TACR1: variants seen among roughly 807,000 people sequenced by gnomAD.
TACR1 encodes the protein substance-P receptor.
Under a neutral mutation model 35.8 loss-of-function variants are expected in TACR1, and 25 were observed. That is an observed-to-expected ratio of 0.70 (90% CI 0.51 to 0.98). The LOEUF is 0.98. Among genes scored for constraint, TACR1 ranks in the 50% least tolerant of loss-of-function variants. TACR1 has a pLI of 0.00. For synonymous variants in TACR1, 195 were observed against 206.7 expected (o/e 0.94, Z 0.48); for missense variants, 478 against 522.9 (o/e 0.91, Z 0.84).
In TACR1 at chr2:75,061,369, G is replaced by A. The variant is rs76915846; in HGVS notation, c.585-7614C>T. The stretch of plus-strand genomic sequence containing the variant: ...AAGGTGATGATGGACCAGGTGAGTC[G>A]AGTGGGAAGTGAGGAAGTGGAAGCA... On this transcript the variant is annotated intron_variant, in intron 2 of 4. Coordinates refer to ENST00000305249, the MANE Select transcript of TACR1 (RefSeq NM_001058.4). Among the ~76,000 whole-genome samples the A allele has an allele frequency of 3.9e-5, 6 of 152,188 alleles. No individual in the cohort carries two copies. The East Asian group carries it at 9.7e-4, about 25-fold the overall frequency.
chr2:75,083,837 G>A (rs2103838251), intron 2 of TACR1, among the ~76,000 whole-genome samples: 1 of 152,192 alleles, frequency 6.6e-6, no homozygotes, highest in East Asian at 1.9e-4. Flanking sequence ...CTGAGACCAT[G>A]GGGTTTTCTA....
chr2:75,176,162 T>C (rs1265341293), intron 1 of TACR1, among the ~76,000 whole-genome samples: 1 of 152,108 alleles, frequency 6.6e-6, no homozygotes, highest in East Asian at 1.9e-4. Context: ...GATGTTCAAT[T>C]TCCATATTGA....
chr2:75,077,047 C>T (rs374532256), intron 2 of TACR1, among the ~76,000 whole-genome samples: 3 of 152,064 alleles, frequency 2.0e-5, no homozygotes, highest in Non-Finnish European at 2.9e-5. Context: ...CTTGGCTCAC[C>T]GTAACTTCTG....
chr2:75,145,556 A>G (rs1477224680), intron 1 of TACR1, among the ~76,000 whole-genome samples: 1 of 152,242 alleles, frequency 6.6e-6, no homozygotes, highest in East Asian at 1.9e-4. Context: ...AAAGATCAAT[A>G]ACTTTTCTAT....
intron 2 of TACR1, among the ~76,000 whole-genome samples, chr2:75,076,618 C>G (rs1217394584): frequency 1.3e-5 from 2 of 152,132 alleles, no homozygotes; most frequent in African/African-American, 2.4e-5. Flanking sequence ...ATTTCAAACG[C>G]AGCATAAAAA....
At chr2:75,077,266 G>T (rs139416814) in intron 2 of TACR1, among the ~76,000 whole-genome samples, 1 of 152,126 alleles carries the variant, frequency 6.6e-6, no homozygotes, top group Non-Finnish European at 1.5e-5. Context: ...CACCGCACCC[G>T]GCCTATTATT....
chr2:75,127,789 G>A (rs1416431538), intron 1 of TACR1, among the ~76,000 whole-genome samples: 2 of 152,160 alleles, frequency 1.3e-5, no homozygotes, highest in Non-Finnish European at 2.9e-5. Flanking sequence ...TTCCAGCCTT[G>A]TCTAGATTCT....
chr2:75,197,929 C>G (rs566769650), intron 1 of TACR1, among the ~76,000 whole-genome samples: 1 of 152,248 alleles, frequency 6.6e-6, no homozygotes, highest in South Asian at 2.1e-4. Context: ...CATTAGAATT[C>G]TGAGTATCTT....
intron 1 of TACR1, among the ~76,000 whole-genome samples, chr2:75,123,703 C>CCTTTCCTCT (rs1674017173): frequency 6.6e-6 from 1 of 152,136 alleles, no homozygotes; most frequent in Non-Finnish European, 1.5e-5. Context: ...TTCCTTCCCT[C>CCTTTCCTCT]CTTTCCTCTC....
At chr2:75,149,137 G>C (rs1022278032) in intron 1 of TACR1, among the ~76,000 whole-genome samples, 1 of 152,198 alleles carries the variant, frequency 6.6e-6, no homozygotes, top group African/African-American at 2.4e-5. Context: ...TTGTAGTATA[G>C]TATGAAGTCA....
chr2:75,198,984 C>T lies in TACR1; in HGVS notation c.-50G>A, dbSNP rs1269473608. The T allele has an allele frequency of 1.3e-6, 2 of 1,582,022 alleles. No homozygotes were observed. Among genetic ancestry groups the T allele is most frequent in the Non-Finnish European group, 1.7e-6 (2 of 1,161,888 alleles). On this transcript the variant is annotated 5_prime_UTR_variant, in exon 1 of 5. Coordinates refer to ENST00000305249, the MANE Select transcript of TACR1 (RefSeq NM_001058.4). ...ACTATCTGTACACAACCCCCCTCTG[C>T]AGCAGAGTCCTGTGGCTGGCGCCTG... is the stretch of plus-strand genomic sequence containing the variant.
intron 4 of TACR1, 132 bp from the exon 5 acceptor site, chr2:75,049,855 C>A (rs1231781400): frequency 1.8e-6 from 2 of 1,131,014 alleles, no homozygotes; most frequent in Non-Finnish European, 2.4e-6. Flanking sequence ...AATTCAATGA[C>A]AGCTGGAGAT....
At chr2:75,125,529 C>T (rs747019325) in intron 1 of TACR1, among the ~76,000 whole-genome samples, 31 of 152,138 alleles carry the variant, frequency 2.0e-4, no homozygotes, top group Non-Finnish European at 4.0e-4. Context: ...TTTCACCCTC[C>T]ACAGGTCCTT....
intron 1 of TACR1, among the ~76,000 whole-genome samples, chr2:75,136,334 G>A (rs1273563225): frequency 1.3e-5 from 2 of 152,144 alleles, no homozygotes; most frequent in Non-Finnish European, 2.9e-5. Flanking sequence ...TGCTAAAGAC[G>A]TGCTTATTAG....
chr2:75,089,580 T>C (rs912130381), intron 2 of TACR1, among the ~76,000 whole-genome samples: 2 of 152,166 alleles, frequency 1.3e-5, no homozygotes, highest in African/African-American at 4.8e-5. Context: ...TTTAAAAAAA[T>C]AAGTGGAGCC....
intron 1 of TACR1, among the ~76,000 whole-genome samples, chr2:75,195,279 T>C (rs3771867): frequency 0.33 from 50,661 of 151,944 alleles, 12,740 homozygotes; most frequent in African/African-American, 0.71. Flanking sequence ...TCTAGGTAAC[T>C]GCTGCCTTCA....
chr2:75,065,220 G>A lies in TACR1; in HGVS notation c.585-11465C>T, dbSNP rs893838761. 3.3e-5 allele frequency among the ~76,000 whole-genome samples: 5 copies of A among 152,294 alleles called. No individual in the cohort carries two copies. In the South Asian group the frequency reaches 1.0e-3, roughly 32 times the overall value. On this transcript the variant is annotated intron_variant, in intron 2 of 4. Transcript: ENST00000305249. The stretch of plus-strand genomic sequence containing the variant: ...AAAGCAGCATGCATTTTATGAGGTC[G>A]AATTCATTACACACCACACAGTGCC...
rs928282503 is a variant in TACR1 at position 75,048,510 on chromosome 2, A to T, written c.*922T>A. 5 of 152,220 alleles carry T rather than the reference A, an allele frequency of 3.3e-5. No individual in the cohort carries two copies. The East Asian group carries it at 9.6e-4, about 29-fold the overall frequency. The allele number at this position is 152,220 out of a possible 1,614,324, so 9.4% of individuals were successfully genotyped here. ...TACAGATGGCCTTAGCAGTTGCTACATCTCCAGGAACTGGGTATTAGTTAC... is the reference window on the plus strand; with the variant it reads ...TACAGATGGCCTTAGCAGTTGCTACTTCTCCAGGAACTGGGTATTAGTTAC... On this transcript the variant is annotated 3_prime_UTR_variant, in exon 5 of 5. Coordinates refer to ENST00000305249, the MANE Select transcript of TACR1 (RefSeq NM_001058.4).
intron 1 of TACR1, among the ~76,000 whole-genome samples, chr2:75,162,351 A>C (rs1572969871): frequency 2.6e-5 from 4 of 152,338 alleles, no homozygotes; most frequent in Admixed American, 2.6e-4. Context: ...AGAATCTTTA[A>C]AAAATGTGTT....
Sources: gnomAD v4.1 joint callset for allele counts (sites outside exome capture counted in the v4.1 genomes callset) on GRCh38, gnomAD v4.1.1 for gene constraint, MANE v1.5 for transcripts, NCBI Gene and HGNC (gene_info 2026-07-23, HGNC 2026-07-21) for gene names.